Variants in PREX1 observed in about 807,000 individuals in gnomAD.
The protein encoded by PREX1 is phosphatidylinositol-3,4,5-trisphosphate dependent Rac exchange factor 1.
A neutral mutation model predicts 198.3 loss-of-function variants in PREX1; 41 were observed. The observed-to-expected ratio is 0.21, with a 90% CI of 0.16 to 0.27. PREX1 has a LOEUF of 0.27. Among genes scored for constraint, PREX1 ranks in the 10% least tolerant of loss-of-function variants. The pLI is 1.00. For missense variants in PREX1, 1,620 were observed against 2,200.7 expected (o/e 0.74, Z 5.28); for synonymous variants, 843 against 887.2 (o/e 0.95, Z 0.89).
chr20:48,826,284 G>C (rs981556465), intron 1 of PREX1, among the ~76,000 whole-genome samples: 1 of 152,062 alleles, frequency 6.6e-6, no homozygotes, highest in African/African-American at 2.4e-5. Flanking sequence ...AGGAGGCATG[G>C]AGATTAAAGA....
intron 15 of PREX1, among the ~76,000 whole-genome samples, chr20:48,664,465 T>C (rs1280751788): frequency 1.3e-5 from 2 of 151,502 alleles, no homozygotes; most frequent in Non-Finnish European, 2.9e-5. Flanking sequence ...AGGCCCTCAC[T>C]GGGGAGGGGT....
the PREX1 span, among the ~76,000 whole-genome samples, chr20:48,834,099 A>C: frequency 2.0e-5 from 3 of 152,102 alleles, no homozygotes; most frequent in East Asian, 5.8e-4. Context: ...AAAAAAAAAA[A>C]AAATGCAAAT....
chr20:48,716,371 C>G (rs1251185392), intron 5 of PREX1, among the ~76,000 whole-genome samples: 1 of 152,194 alleles, frequency 6.6e-6, no homozygotes, highest in South Asian at 2.1e-4. Context: ...TTCATGTCCC[C>G]AAAACTGTGT....
rs999981027 is a variant in PREX1 at position 48,653,457 on chromosome 20, G to A, written c.2250C>T (p.Cys750=). 3 of 1,613,532 alleles carry A rather than the reference G, an allele frequency of 1.9e-6. No individual in the cohort carries two copies. Among genetic ancestry groups the A allele is most frequent in the Non-Finnish European group, 1.7e-6 (2 of 1,179,994 alleles). The change falls in exon 20 of 40, where the codon TGC becomes TGT. Residue 750 remains cysteine (C), a synonymous_variant. Coordinates refer to ENST00000371941, the MANE Select transcript of PREX1 (RefSeq NM_020820.4). ...AMAAGLCAGQ[C]ILKVNGSNVM... is the part of the protein sequence containing the mutation. ...CGTTGCTGCCATTGACCTTCAGAAT[G>A]CACTGACCAGCACAGAGCCCTGCAG...
chr20:48,654,963 G>T (rs1314812079), intron 19 of PREX1, among the ~76,000 whole-genome samples: 3 of 152,206 alleles, frequency 2.0e-5, no homozygotes, highest in African/African-American at 7.2e-5. Flanking sequence ...AATCAAGTCT[G>T]GTGAGAGTGG....
At chr20:48,698,506 G>A (rs952656466) in intron 7 of PREX1, among the ~76,000 whole-genome samples, 6 of 152,192 alleles carry the variant, frequency 3.9e-5, no homozygotes, top group Admixed American at 6.5e-5. Context: ...CAGCCCCAGA[G>A]AGACCAGAAA....
At chr20:48,797,639 C>T (rs2090369089) in intron 1 of PREX1, among the ~76,000 whole-genome samples, 2 of 152,178 alleles carry the variant, frequency 1.3e-5, no homozygotes, top group Non-Finnish European at 2.9e-5. Context: ...ACGACACCCC[C>T]GTCGGTCCCC....
chr20:48,872,003 C>T, the PREX1 span, among the ~76,000 whole-genome samples: 5 of 151,520 alleles, frequency 3.3e-5, no homozygotes, highest in African/African-American at 9.7e-5. Context: ...ACTAAAAATA[C>T]AAAAAACTAG....
chr20:48,780,268 G>A (rs1303249846), intron 1 of PREX1, among the ~76,000 whole-genome samples: 1 of 152,100 alleles, frequency 6.6e-6, no homozygotes, highest in East Asian at 1.9e-4. Flanking sequence ...GGCTGAGGCA[G>A]GGAAAATACA....
the PREX1 span, among the ~76,000 whole-genome samples, chr20:48,859,712 C>G: frequency 5.9e-5 from 9 of 152,030 alleles, no homozygotes; most frequent in Non-Finnish European, 1.2e-4. Flanking sequence ...GGTATATAAC[C>G]AAAAGAATGG....
intron 7 of PREX1, among the ~76,000 whole-genome samples, chr20:48,698,836 A>G (rs894702607): frequency 5.9e-5 from 9 of 152,210 alleles, no homozygotes; most frequent in Non-Finnish European, 4.4e-5. Context: ...ACTATGTCCC[A>G]GGCACACTCA....
intron 7 of PREX1, among the ~76,000 whole-genome samples, chr20:48,699,729 C>T (rs1370651200): frequency 6.6e-6 from 1 of 152,192 alleles, no homozygotes; most frequent in African/African-American, 2.4e-5. Flanking sequence ...GCCTTCCATC[C>T]ATCTATCCAT....
the PREX1 span, among the ~76,000 whole-genome samples, chr20:48,836,539 G>A: frequency 6.6e-6 from 1 of 152,196 alleles, no homozygotes; most frequent in East Asian, 1.9e-4. Flanking sequence ...AAAGTCTGGA[G>A]TGCAGTGGCA....
At chr20:48,828,025 C>A (rs1200839097), upstream of PREX1, 1 of 154,538 alleles carries the variant, frequency 6.5e-6, no homozygotes, top group Admixed American at 6.8e-5. Context: ...GGGCCGGGGG[C>A]GGAGGCAGCG....
At chr20:48,696,852 C>T (rs2089849085) in intron 7 of PREX1, among the ~76,000 whole-genome samples, 1 of 152,098 alleles carries the variant, frequency 6.6e-6, no homozygotes, top group Non-Finnish European at 1.5e-5. Flanking sequence ...GATATCAGCT[C>T]TTCCTGAGCC....
chr20:48,815,831 GAAACCCTGTCTCTACTAAAATTACAA>G (rs1335453906), intron 1 of PREX1, among the ~76,000 whole-genome samples: 1 of 152,046 alleles, frequency 6.6e-6, no homozygotes. Context: ...CCAATGTGGC[GAAACCCTGTCTCTACTAAAATTACAA>G]AAATCAGCCA....
chr20:48,702,862 G>T (rs781703253), intron 6 of PREX1, among the ~76,000 whole-genome samples: 2 of 152,214 alleles, frequency 1.3e-5, no homozygotes, highest in Non-Finnish European at 2.9e-5. Context: ...AGGGTGCCAC[G>T]GACATTTAGG....
chr20:48,825,888 G>A (rs1430136688), intron 1 of PREX1, among the ~76,000 whole-genome samples: 2 of 127,944 alleles, frequency 1.6e-5, no homozygotes. Context: ...TGTGAGAGAA[G>A]AAGGGATGGG....
intron 4 of PREX1, among the ~76,000 whole-genome samples, chr20:48,730,978 G>A (rs752403308): frequency 3.0e-4 from 45 of 152,216 alleles, no homozygotes; most frequent in South Asian, 6.2e-4. Flanking sequence ...CCTGGGTGAC[G>A]CAGCGAGACC....
Sources: allele counts gnomAD v4.1 joint callset (sites outside exome capture counted in the v4.1 genomes callset), GRCh38; gene constraint gnomAD v4.1.1; transcripts MANE v1.5; gene names NCBI Gene and HGNC (gene_info 2026-07-23, HGNC 2026-07-21).